EXPH5: variants seen among roughly 807,000 people sequenced by gnomAD.
EXPH5 encodes exophilin 5.
Under a neutral mutation model 41.1 loss-of-function variants are expected in EXPH5, and 42 were observed. The observed-to-expected ratio is 1.02, with a 90% CI of 0.80 to 1.32. The LOEUF is 1.32. Among genes scored for constraint, EXPH5 ranks in the 40% most tolerant of loss-of-function variants. EXPH5 has a pLI of 0.00. For synonymous variants in EXPH5, 798 were observed against 833.5 expected (o/e 0.96, Z 0.73); for missense variants, 2,298 against 2,314.5 (o/e 0.99, Z 0.15).
intron 1 of EXPH5, among the ~76,000 whole-genome samples, chr11:108,573,131 GGAAAGAAGGAAAGAAAGAAA>G (rs2094066577): frequency 1.2e-5 from 1 of 86,356 alleles, no homozygotes; most frequent in African/African-American, 4.5e-5. Flanking sequence ...AAAGAAGGAA[GGAAAGAAGGAAAGAAAGAAA>G]GAAAGAAAGA....
Position 108,511,001 on chromosome 11 carries a change from G to C in EXPH5, c.4506C>G (p.His1502Gln), listed in dbSNP as rs764925317. ...CQKMTNKTLS[H>Q]SESQVFALTP... ...TAAGGGCAAAGACTTGACTCTCTGA[G>C]TGAGAAAGTGTTTTATTAGTCATTT... The change falls in exon 6 of 6, where the codon CAC (histidine) becomes CAG (glutamine). Residue 1502 changes from histidine (H) to glutamine (Q), a missense_variant. His to Gln is a conservative substitution (Grantham distance 24). Transcript: ENST00000265843. 6.2e-7 allele frequency: 1 copy of C among 1,614,210 alleles called. No individual in the cohort carries two copies. The highest frequency in any genetic ancestry group is 1.7e-5 in the Admixed American group (1 of 60,028).
intron 1 of EXPH5, among the ~76,000 whole-genome samples, chr11:108,588,734 G>A (rs778666323): frequency 6.6e-6 from 1 of 152,010 alleles, no homozygotes; most frequent in Non-Finnish European, 1.5e-5. Flanking sequence ...TTGAGGATGA[G>A]GATAAAAAAA....
intron 1 of EXPH5, among the ~76,000 whole-genome samples, chr11:108,559,365 C>T (rs1190462858): frequency 1.3e-5 from 2 of 152,206 alleles, no homozygotes; most frequent in Non-Finnish European, 2.9e-5. Context: ...AGTTGAGTGT[C>T]AGGATTCTAA....
At chr11:108,552,364 G>A (rs1051613633) in intron 1 of EXPH5, among the ~76,000 whole-genome samples, 1 of 152,192 alleles carries the variant, frequency 6.6e-6, no homozygotes, top group African/African-American at 2.4e-5. Context: ...TGAAAAATGT[G>A]TTCTTTTCAT....
intron 1 of EXPH5, among the ~76,000 whole-genome samples, chr11:108,571,136 G>T (rs2094058592): frequency 6.6e-6 from 1 of 152,218 alleles, no homozygotes; most frequent in African/African-American, 2.4e-5. Context: ...TGAGGGTGAG[G>T]CCTGGTGTGG....
At chr11:108,585,608 T>G (rs2094110810) in intron 1 of EXPH5, among the ~76,000 whole-genome samples, 1 of 152,236 alleles carries the variant, frequency 6.6e-6, no homozygotes, top group South Asian at 2.1e-4. Context: ...GTCTAAGGTA[T>G]TTTGTTGTAG....
chr11:108,516,310 A>G (rs2093726718), intron 5 of EXPH5, among the ~76,000 whole-genome samples: 1 of 152,158 alleles, frequency 6.6e-6, no homozygotes, highest in South Asian at 2.1e-4. Flanking sequence ...CCCAGGGCTC[A>G]TGCTCTCTAG....
chr11:108,509,675 C>A lies in EXPH5; in HGVS notation c.5832G>T (p.Gln1944His), dbSNP rs201670768. 1 of 1,613,924 alleles carries A rather than the reference C, an allele frequency of 6.2e-7. No homozygotes were observed. The highest frequency in any genetic ancestry group is 8.5e-7 in the Non-Finnish European group (1 of 1,179,938). ...ESLSSNSPSSQVPEDGLSPSE... is the reference protein window; with the variant it reads ...ESLSSNSPSSHVPEDGLSPSE... The stretch of plus-strand genomic sequence containing the variant: ...TTGGAGATAAGCCATCTTCTGGCAC[C>A]TGACTACTGGGAGAATTTGAGCTTA... The change falls in exon 6 of 6, where the codon CAG becomes CAT. Residue 1944 changes from glutamine (Q) to histidine (H), a missense_variant. Gln to His is a conservative substitution (Grantham distance 24). Coordinates refer to ENST00000265843, the MANE Select transcript of EXPH5 (RefSeq NM_015065.3).
At chr11:108,515,018 GATT>G (rs775831197) in intron 5 of EXPH5, 143 bp from the exon 6 acceptor site, 1 of 466,372 alleles carries the variant, frequency 2.1e-6, no homozygotes, top group Non-Finnish European at 3.5e-6. Context: ...CATTAATTTT[GATT>G]ATATTTTTAA....
At chr11:108,524,375 T>A (rs1035634455) in intron 4 of EXPH5, among the ~76,000 whole-genome samples, 5 of 152,328 alleles carry the variant, frequency 3.3e-5, no homozygotes, top group Middle Eastern at 6.8e-3. Context: ...CACTTAGTAA[T>A]CCTTATTGTT....
At chr11:108,536,972 G>C (rs887926857) in intron 3 of EXPH5, among the ~76,000 whole-genome samples, 3 of 152,198 alleles carry the variant, frequency 2.0e-5, no homozygotes, top group African/African-American at 7.2e-5. Context: ...TGCCTGCAGA[G>C]GATGACTGTG....
At chr11:108,571,851 G>A (rs907438663) in intron 1 of EXPH5, among the ~76,000 whole-genome samples, 3 of 152,112 alleles carry the variant, frequency 2.0e-5, no homozygotes, top group African/African-American at 7.2e-5. Flanking sequence ...ATGAGGTCAG[G>A]AGATCGAGAC....
chr11:108,540,709 T>C (rs1467976719), intron 2 of EXPH5, among the ~76,000 whole-genome samples: 1 of 152,166 alleles, frequency 6.6e-6, no homozygotes, highest in Non-Finnish European at 1.5e-5. Flanking sequence ...TTAATCTATA[T>C]AGAAGGCATT....
chr11:108,530,240 G>T (rs1359198212), intron 3 of EXPH5, among the ~76,000 whole-genome samples: 1 of 151,862 alleles, frequency 6.6e-6, no homozygotes, highest in African/African-American at 2.4e-5. Context: ...CACATTTATT[G>T]AGCCTGTTTT....
upstream of EXPH5, among the ~76,000 whole-genome samples, chr11:108,597,243 G>A (rs984130182): frequency 1.3e-5 from 2 of 152,088 alleles, no homozygotes; most frequent in African/African-American, 4.8e-5. Flanking sequence ...TGTTGGCCAG[G>A]CTGGAGTGCA....
chr11:108,530,797 C>T (rs920584996), intron 3 of EXPH5, among the ~76,000 whole-genome samples: 22 of 152,254 alleles, frequency 1.4e-4, no homozygotes, highest in African/African-American at 4.8e-4. Context: ...TACCACCAAG[C>T]GTGAGGGCGT....
Position 108,510,840 on chromosome 11 carries a change from T to C in EXPH5, c.4667A>G (p.Glu1556Gly). 1.9e-6 allele frequency: 3 copies of C among 1,614,208 alleles called. No homozygotes were observed. The highest frequency in any genetic ancestry group is 2.5e-6 in the Non-Finnish European group (3 of 1,180,018). ...CCAAGCTGACTTCTGCATTTCATCT[T>C]CAGCCTTCCTGCTCTCTGTCATATT... ...EANMTESRKA[E>G]DEMQKSAWDQ... is the part of the protein sequence containing the mutation. Residue 1556 changes from glutamate to glycine, a missense_variant, in exon 6 of 6, where the codon GAA becomes GGA. Physicochemically the swap from Glu to Gly is moderately conservative, Grantham distance 98 (BLOSUM62 -2). Transcript: ENST00000265843.
chr11:108,541,954 T>C, intron 1 of EXPH5, 142 bp from the exon 2 acceptor site: 2 of 618,738 alleles, frequency 3.2e-6, no homozygotes, highest in Middle Eastern at 4.5e-4. Context: ...CTCGTCTCAC[T>C]GCAACCTTCA....
intron 1 of EXPH5, among the ~76,000 whole-genome samples, chr11:108,592,385 G>C (rs1167831715): frequency 2.0e-5 from 3 of 152,132 alleles, no homozygotes; most frequent in East Asian, 1.9e-4. Flanking sequence ...TGTCGGCGGT[G>C]GGGGACAGGC....
Sources: gnomAD v4.1 joint callset for allele counts (sites outside exome capture counted in the v4.1 genomes callset) on GRCh38, gnomAD v4.1.1 for gene constraint, MANE v1.5 for transcripts, NCBI Gene and HGNC (gene_info 2026-07-23, HGNC 2026-07-21) for gene names.